CILK1: variants seen among roughly 807,000 people sequenced by gnomAD.
CILK1 encodes the protein serine/threonine-protein kinase ICK.
A neutral mutation model predicts 79.2 loss-of-function variants in CILK1; 47 were observed. The ratio of observed to expected loss-of-function variants is 0.59; its 90% CI spans 0.47 to 0.76. CILK1 has a LOEUF of 0.76. Among genes scored for constraint, CILK1 ranks in the 30% least tolerant of loss-of-function variants. CILK1 has a pLI of 0.00. For synonymous variants in CILK1, 266 were observed against 275.9 expected (o/e 0.96, Z 0.36); for missense variants, 660 against 769.5 (o/e 0.86, Z 1.68).
chr6:53,028,665 C>T (rs1263003263), intron 5 of CILK1, among the ~76,000 whole-genome samples: 12 of 152,186 alleles, frequency 7.9e-5, no homozygotes. Context: ...GGTGTTGAGG[C>T]TATAAAAGCC....
intron 8 of CILK1, among the ~76,000 whole-genome samples, chr6:53,014,455 G>A (rs1331654269): frequency 2.0e-5 from 3 of 152,216 alleles, no homozygotes; most frequent in Non-Finnish European, 2.9e-5. Context: ...TGCCAAGAGT[G>A]TAATACATGA....
At chr6:53,028,052 C>G (rs9474370) in intron 5 of CILK1, among the ~76,000 whole-genome samples, 1 of 150,476 alleles carries the variant, frequency 6.6e-6, no homozygotes, top group African/African-American at 2.5e-5. Context: ...GAGGCTGAGG[C>G]GGGAGAATGG....
intron 13 of CILK1, among the ~76,000 whole-genome samples, chr6:53,005,882 C>G (rs1034354976): frequency 1.3e-5 from 2 of 152,170 alleles, no homozygotes; most frequent in Admixed American, 6.5e-5. Flanking sequence ...CACTCCCACA[C>G]TCTGGCCTCC....
intron 3 of CILK1, 150 bp from the exon 4 acceptor site, chr6:53,032,804 T>G: frequency 1.8e-6 from 1 of 567,796 alleles, no homozygotes; most frequent in South Asian, 2.2e-5. Context: ...GACAGTTTAA[T>G]AGTATACCTC....
intron 5 of CILK1, among the ~76,000 whole-genome samples, chr6:53,030,647 T>C (rs1765885612): frequency 6.6e-6 from 1 of 152,248 alleles, no homozygotes; most frequent in Non-Finnish European, 1.5e-5. Context: ...GCATACATTT[T>C]GTTAGACTAC....
intron 5 of CILK1, among the ~76,000 whole-genome samples, chr6:53,027,962 A>G (rs1349496056): frequency 6.6e-6 from 1 of 152,156 alleles, no homozygotes; most frequent in African/African-American, 2.4e-5. Context: ...CCTGGCTAAC[A>G]TGGTGAAACC....
chr6:53,054,253 T>C (rs569347364), intron 1 of CILK1, among the ~76,000 whole-genome samples: 22 of 152,278 alleles, frequency 1.4e-4, no homozygotes, highest in African/African-American at 4.8e-4. Context: ...CTTGATGCCA[T>C]AGTGCCTTGT....
chr6:53,037,910 A>G (rs760973828), intron 3 of CILK1, 29 bp downstream of exon 3: 1 of 1,287,630 alleles, frequency 7.8e-7, no homozygotes, highest in South Asian at 1.2e-5. Flanking sequence ...AATCATCCAT[A>G]AATTATTCCT....
intron 1 of CILK1, among the ~76,000 whole-genome samples, chr6:53,044,271 G>C (rs1264144473): frequency 6.6e-6 from 1 of 152,124 alleles, no homozygotes; most frequent in African/African-American, 2.4e-5. Flanking sequence ...GGCGGCATTA[G>C]ATTCTCACAG....
chr6:53,046,616 C>T (rs1469131189), intron 1 of CILK1, among the ~76,000 whole-genome samples: 1 of 152,186 alleles, frequency 6.6e-6, no homozygotes, highest in Non-Finnish European at 1.5e-5. Flanking sequence ...ATTTCTAATG[C>T]TACTTCAGGT....
chr6:53,001,731 C>T lies in CILK1; in HGVS notation c.*3418G>A, dbSNP rs982992126. On this transcript the variant is annotated 3_prime_UTR_variant, in exon 14 of 14. Coordinates refer to ENST00000676107, the MANE Select transcript of CILK1 (RefSeq NM_014920.5). ...TTGTTTGGAAATCGTAAAAATAATTCTACAAATTAGCTCCATATATTATGT... is the reference window on the plus strand; with the variant it reads ...TTGTTTGGAAATCGTAAAAATAATTTTACAAATTAGCTCCATATATTATGT... 6.6e-6 allele frequency: 1 copy of T among 152,586 alleles called. No individual in the cohort carries two copies. The highest frequency in any genetic ancestry group is 1.5e-5 in the Non-Finnish European group (1 of 68,026). The allele number at this position is 152,586 out of a possible 1,614,324, so 9.5% of individuals were successfully genotyped here.
intron 5 of CILK1, among the ~76,000 whole-genome samples, chr6:53,029,338 G>A (rs552149389): frequency 6.6e-6 from 1 of 152,108 alleles, no homozygotes; most frequent in Admixed American, 6.5e-5. Flanking sequence ...TGTGAATAAA[G>A]GCCCAAGTAC....
chr6:53,006,306 A>G lies in CILK1; in HGVS notation c.1744+9T>C. ...AGTAAATTCATGAATAATTTAAAAT[A>G]CAACTCACCAGGGGAAGGGTCTGGA... On this transcript the variant is annotated intron_variant, in intron 13 of 13. Coordinates refer to ENST00000676107, the MANE Select transcript of CILK1 (RefSeq NM_014920.5). 6.2e-7 allele frequency: 1 copy of G among 1,612,996 alleles called. No homozygotes were observed. Among genetic ancestry groups the G allele is most frequent in the Non-Finnish European group, 8.5e-7 (1 of 1,179,150 alleles).
At chr6:53,050,204 G>A (rs1261308934) in intron 1 of CILK1, among the ~76,000 whole-genome samples, 4 of 151,934 alleles carry the variant, frequency 2.6e-5, no homozygotes, top group African/African-American at 9.7e-5. Flanking sequence ...CACAATTCCA[G>A]CCTGAAATCT....
At chr6:53,057,850 CAACT>C (rs1768032237) in intron 1 of CILK1, 1 of 151,988 alleles carries the variant, frequency 6.6e-6, no homozygotes, top group Non-Finnish European at 1.5e-5. Flanking sequence ...GTTTTATAGC[CAACT>C]AAAGATGTAT....
chr6:53,048,330 GA>G (rs1331925444), intron 1 of CILK1, among the ~76,000 whole-genome samples: 3 of 152,220 alleles, frequency 2.0e-5, no homozygotes, highest in Non-Finnish European at 4.4e-5. Flanking sequence ...ATATCAGAGA[GA>G]AGGGTTAGTT....
intron 2 of CILK1, among the ~76,000 whole-genome samples, chr6:53,040,800 T>C (rs767506693): frequency 6.6e-6 from 1 of 152,230 alleles, no homozygotes; most frequent in African/African-American, 2.4e-5. Flanking sequence ...CATACGCATG[T>C]AGATGGCCCA....
At chr6:53,059,778 T>C (rs1393231378) in intron 1 of CILK1, among the ~76,000 whole-genome samples, 3 of 152,144 alleles carry the variant, frequency 2.0e-5, no homozygotes, top group African/African-American at 7.2e-5. Context: ...AAACTGAAGG[T>C]TGCACGTCCA....
At chr6:53,040,076 A>T (rs1262366325) in intron 2 of CILK1, among the ~76,000 whole-genome samples, 5 of 152,180 alleles carry the variant, frequency 3.3e-5, no homozygotes, top group Non-Finnish European at 4.4e-5. Flanking sequence ...ATATGAGTGT[A>T]GTTTTGGGCA....
Sources: gnomAD v4.1 joint callset for allele counts (sites outside exome capture counted in the v4.1 genomes callset) on GRCh38, gnomAD v4.1.1 for gene constraint, MANE v1.5 for transcripts, NCBI Gene and HGNC (gene_info 2026-07-23, HGNC 2026-07-21) for gene names.